The following KCNU1 variants were observed in gnomAD, a reference collection of about 807,000 sequenced individuals.
KCNU1 encodes the protein potassium channel subfamily U member 1.
Under a neutral mutation model 126.8 loss-of-function variants are expected in KCNU1, and 93 were observed. That is an observed-to-expected ratio of 0.73 (90% confidence interval 0.62 to 0.87). The LOEUF is 0.87. Ranked by LOEUF, KCNU1 falls within the 40% of genes least tolerant of loss-of-function variation. The probability of loss-of-function intolerance (pLI) is 0.00; values close to 1 mark genes in which losing one functional copy is unlikely to be tolerated. For synonymous variants in KCNU1, 523 were observed against 494.2 expected (o/e 1.06, Z -0.77); for missense variants, 1,330 against 1,367.1 (o/e 0.97, Z 0.43).
Position 36,814,664 on chromosome 8 carries a change from T to A in KCNU1, c.903+287T>A, listed in dbSNP as rs532605584. On this transcript the variant is annotated intron_variant, in intron 8 of 26. Transcript: ENST00000399881. ...TGAGAAAACCTATCTTCCTTCATAG[T>A]TTGCCCATCAACTTAAAGTCTTTCT... Among the ~76,000 whole-genome samples, 14 of 152,286 alleles carry A rather than the reference T, an allele frequency of 9.2e-5. No individual in the cohort carries two copies. In the South Asian group the frequency reaches 2.7e-3, roughly 29 times the overall value.
chr8:36,852,675 T>A (rs1805392504), intron 18 of KCNU1, among the ~76,000 whole-genome samples: 1 of 152,158 alleles, frequency 6.6e-6, no homozygotes, highest in Admixed American at 6.5e-5. Context: ...CATCTGATCA[T>A]ATAAGTATAC....
chr8:36,785,572 G>A (rs1802683813), intron 1 of KCNU1, among the ~76,000 whole-genome samples: 1 of 152,122 alleles, frequency 6.6e-6, no homozygotes, highest in African/African-American at 2.4e-5. Flanking sequence ...GAAGCTTATA[G>A]ATTTTGTTCC....
At chr8:36,836,709 A>G in intron 13 of KCNU1, 84 bp from the exon 14 acceptor site, 1 of 1,196,716 alleles carries the variant, frequency 8.4e-7, no homozygotes, top group Non-Finnish European at 1.2e-6. Flanking sequence ...AAGTAAATTT[A>G]AAAAAAGAAA....
chr8:36,840,501 T>C lies in KCNU1; in HGVS notation c.1557T>C (p.Asn519=). ...AGACCTGGAAGAAACACTTCTTGAA[T>C]AGCATGAAAAACAAAATTCTGACCC... ...PKQTWKKHFL[N]SMKNKILTQR... is the part of the protein sequence containing the mutation. The change falls in exon 15 of 27, where the codon AAT becomes AAC. Residue 519 remains asparagine, a synonymous_variant. Coordinates refer to ENST00000399881, the MANE Select transcript of KCNU1 (RefSeq NM_001031836.3). The C allele has an allele frequency of 6.2e-7, 1 of 1,611,548 alleles. No homozygotes were observed. Among genetic ancestry groups the C allele is most frequent in the South Asian group, 1.1e-5 (1 of 90,758 alleles).
chr8:36,804,082 C>T lies in KCNU1; in HGVS notation c.371C>T (p.Ser124Phe), dbSNP rs1284766656. The T allele has an allele frequency of 1.3e-6, 2 of 1,551,984 alleles. No homozygotes were observed. The highest frequency in any genetic ancestry group is 1.7e-6 in the Non-Finnish European group (2 of 1,143,412). The change falls in exon 3 of 27, where the codon TCT becomes TTT. Residue 124 changes from serine to phenylalanine, a missense_variant. Transcript: ENST00000399881. Reference sequence around the variant, plus strand: ...TCTCTTATAATCTATTTCATCAATTCTGCTGAGTGAGTACAATGTCCAGTC... The same window carrying T: ...TCTCTTATAATCTATTTCATCAATTTTGCTGAGTGAGTACAATGTCCAGTC... ...IGSLIIYFIN[S>F]ADPVGSCSSY...
intron 24 of KCNU1, chr8:36,928,857 G>T: frequency 1.7e-6 from 1 of 586,532 alleles, no homozygotes; most frequent in Non-Finnish European, 3.0e-6. Context: ...ACCACTCAGA[G>T]TGCCCTTTAA....
At position 36,863,589 on chromosome 8, in the gene KCNU1, C is replaced by T. The variant is rs533836429; in HGVS notation, c.1892-815C>T. 1.1e-4 allele frequency among the ~76,000 whole-genome samples: 16 copies of T among 152,266 alleles called. No homozygotes were observed. The South Asian group carries it at 2.3e-3, about 22-fold the overall frequency. ...AGAATATGTTTTTTAAAAATCACAA[C>T]AGCAAGTGCAAATTCTTATTGTGTG... is the stretch of plus-strand genomic sequence containing the variant. On this transcript the variant is annotated intron_variant, in intron 18 of 26. Coordinates refer to ENST00000399881, the MANE Select transcript of KCNU1 (RefSeq NM_001031836.3).
At chr8:36,807,272 T>C (rs767658039) in intron 5 of KCNU1, 103 bp from the exon 6 acceptor site, 2 of 823,532 alleles carry the variant, frequency 2.4e-6, no homozygotes, top group Admixed American at 1.9e-5. Flanking sequence ...GGAACACGTC[T>C]AGAAGAAAAA....
chr8:36,836,822 C>A lies in KCNU1; in HGVS notation c.1395C>A (p.Asn465Lys). 1 of 1,613,848 alleles carries A rather than the reference C, an allele frequency of 6.2e-7. No individual in the cohort carries two copies. The highest frequency in any genetic ancestry group is 1.1e-5 in the South Asian group (1 of 91,074). The part of the protein sequence containing the change: ...KVYLPKIPSW[N>K]WDTGDNIICF... ...ATCTGCCAAAGATTCCCAGCTGGAA[C>A]TGGGACACCGGAGACAACATCATCT... is the stretch of plus-strand genomic sequence containing the variant. Residue 465 changes from asparagine to lysine, a missense_variant, in exon 14 of 27, where the codon AAC becomes AAA. Physicochemically the swap from Asn to Lys is moderately conservative, Grantham distance 94. Coordinates refer to ENST00000399881, the MANE Select transcript of KCNU1 (RefSeq NM_001031836.3).
intron 24 of KCNU1, among the ~76,000 whole-genome samples, chr8:36,925,259 C>T (rs528660622): frequency 7.7e-4 from 117 of 152,310 alleles, no homozygotes; most frequent in African/African-American, 2.2e-3. Context: ...TCATCAGCTT[C>T]GCCTTCAGAA....
intron 19 of KCNU1, among the ~76,000 whole-genome samples, chr8:36,895,972 C>A (rs892885888): frequency 1.3e-5 from 2 of 151,974 alleles, no homozygotes; most frequent in Non-Finnish European, 2.9e-5. Context: ...TAGTACCTAT[C>A]TGTGTGAAAA....
chr8:36,893,863 T>G (rs1222353001), intron 19 of KCNU1, among the ~76,000 whole-genome samples: 7 of 152,132 alleles, frequency 4.6e-5, no homozygotes, highest in Non-Finnish European at 8.8e-5. Context: ...TCTGGAAGAA[T>G]GTCCCTTGTA....
At chr8:36,906,195 T>TTA (rs201109834) in intron 20 of KCNU1, among the ~76,000 whole-genome samples, 1 of 151,482 alleles carries the variant, frequency 6.6e-6, no homozygotes, top group Non-Finnish European at 1.5e-5. Flanking sequence ...TTTTTTTTTT[T>TTA]AAGTAAATAA....
chr8:36,865,087 C>A (rs1294163720), intron 19 of KCNU1, among the ~76,000 whole-genome samples: 1 of 152,006 alleles, frequency 6.6e-6, no homozygotes, highest in African/African-American at 2.4e-5. Context: ...AATATCTTGA[C>A]AACATTTCAG....
At chr8:36,931,738 AG>A (rs1255610748) in intron 25 of KCNU1, among the ~76,000 whole-genome samples, 1 of 152,072 alleles carries the variant, frequency 6.6e-6, no homozygotes, top group African/African-American at 2.4e-5. Context: ...TGATAAGGTC[AG>A]CTGAAATCAG....
At chr8:36,807,018 G>A (rs1000143268) in intron 5 of KCNU1, among the ~76,000 whole-genome samples, 1 of 152,154 alleles carries the variant, frequency 6.6e-6, no homozygotes, top group Non-Finnish European at 1.5e-5. Flanking sequence ...TTCTAAAGAA[G>A]AGTTAAATAG....
intron 19 of KCNU1, among the ~76,000 whole-genome samples, chr8:36,887,645 G>A (rs1206831117): frequency 6.6e-6 from 1 of 152,098 alleles, no homozygotes; most frequent in Non-Finnish European, 1.5e-5. Flanking sequence ...AATAAAAGCT[G>A]TAGTTATGGC....
chr8:36,855,495 C>T (rs1302050324), intron 18 of KCNU1, among the ~76,000 whole-genome samples: 1 of 152,120 alleles, frequency 6.6e-6, no homozygotes, highest in African/African-American at 2.4e-5. Context: ...TTCTGCTGTA[C>T]TCCCTCTAGT....
intron 16 of KCNU1, among the ~76,000 whole-genome samples, chr8:36,841,943 C>A (rs1585444435): frequency 6.7e-6 from 1 of 149,590 alleles, no homozygotes; most frequent in African/African-American, 2.5e-5. Context: ...AAAAGAAAGA[C>A]AAATAGATAC....
Sources: allele counts gnomAD v4.1 joint callset (sites outside exome capture counted in the v4.1 genomes callset), GRCh38; gene constraint gnomAD v4.1.1; transcripts MANE v1.5; gene names NCBI Gene and HGNC (gene_info 2026-07-23, HGNC 2026-07-21).